Variants in PARPBP observed in about 807,000 individuals in gnomAD.
PARPBP encodes the protein PARP1 binding protein.
Under a neutral mutation model 50.0 loss-of-function variants are expected in PARPBP, and 52 were observed. That is an observed-to-expected ratio of 1.04 (90% CI 0.83 to 1.31). PARPBP has a LOEUF of 1.31. PARPBP is among the 50% of genes most tolerant of loss of function. PARPBP has a pLI of 0.00. For missense variants in PARPBP, 697 were observed against 672.0 expected, an observed-to-expected ratio of 1.04 and a Z score of -0.41; for synonymous variants, 244 against 232.1, an observed-to-expected ratio of 1.05 and a Z score of -0.47.
chr12:102,169,293 A>G (rs1472151786), intron 6 of PARPBP, among the ~76,000 whole-genome samples: 1 of 152,174 alleles, frequency 6.6e-6, no homozygotes, highest in East Asian at 1.9e-4. Context: ...TCTACTACAT[A>G]TATGCAAATT....
At chr12:102,122,761 A>G (rs541707241) in intron 1 of PARPBP, among the ~76,000 whole-genome samples, 1 of 152,344 alleles carries the variant, frequency 6.6e-6, no homozygotes, top group East Asian at 1.9e-4. Flanking sequence ...CTGTTTGTCC[A>G]CTTACAAGCT....
intron 8 of PARPBP, among the ~76,000 whole-genome samples, chr12:102,180,551 A>T (rs1292720228): frequency 3.3e-5 from 5 of 152,174 alleles, no homozygotes; most frequent in African/African-American, 1.2e-4. Context: ...AAAATAAAAA[A>T]GAATTACCCA....
intron 4 of PARPBP, chr12:102,154,792 A>G (rs1886651366): frequency 2.2e-6 from 1 of 448,256 alleles, no homozygotes; most frequent in African/African-American, 2.0e-5. Flanking sequence ...TGCGTTTGTA[A>G]AGGATATCAA....
intron 1 of PARPBP, among the ~76,000 whole-genome samples, chr12:102,121,081 TTCTCACAA>T (rs1880985354): frequency 6.6e-6 from 1 of 152,214 alleles, no homozygotes; most frequent in Admixed American, 6.5e-5. Context: ...TCTCATTGAC[TTCTCACAA>T]GGGACTGGAA....
intron 1 of PARPBP, among the ~76,000 whole-genome samples, chr12:102,121,474 G>A (rs1321275226): frequency 1.4e-5 from 2 of 145,928 alleles, no homozygotes; most frequent in Admixed American, 1.4e-4. Flanking sequence ...AATATTTACT[G>A]TTTGTTCCTT....
chr12:102,196,624 CT>C lies in PARPBP; in HGVS notation c.*334del. On this transcript the variant is annotated 3_prime_UTR_variant, in exon 11 of 11. Transcript: ENST00000327680. Reference sequence around the variant, plus strand: ...GGCAATTAAATGCTTTTATTTTCTTCTGAAAAGATGATGTGGACCAACAGGT... The same window carrying C: ...GGCAATTAAATGCTTTTATTTTCTTCGAAAAGATGATGTGGACCAACAGGT... The C allele has an allele frequency of 6.4e-7, 1 of 1,563,852 alleles. No individual in the cohort carries two copies. The highest frequency in any genetic ancestry group is 2.2e-5 in the East Asian group (1 of 44,564).
chr12:102,150,817 A>G (rs1448712280), intron 3 of PARPBP, among the ~76,000 whole-genome samples: 1 of 152,188 alleles, frequency 6.6e-6, no homozygotes, highest in Non-Finnish European at 1.5e-5. Context: ...TGACCTCTGT[A>G]GGTACGCTCA....
Position 102,123,455 on chromosome 12 carries a change from C to T in PARPBP, c.-3-431C>T, listed in dbSNP as rs193102925. On this transcript the variant is annotated intron_variant, in intron 1 of 10. Coordinates refer to ENST00000327680, the MANE Select transcript of PARPBP (RefSeq NM_017915.5). ...TCAAAAGGGTAGAAAAATAGGCCAC[C>T]TCTTTTGGGACAACGTAGGATGGGA... Among the ~76,000 whole-genome samples, 435 of 151,664 alleles carry T rather than the reference C, an allele frequency of 2.9e-3. 7 individuals carry two copies. Among genetic ancestry groups the T allele is most frequent in the Admixed American group, 0.027 (411 of 15,238 alleles).
At chr12:102,158,638 T>C (rs1887223581) in intron 4 of PARPBP, among the ~76,000 whole-genome samples, 2 of 152,252 alleles carry the variant, frequency 1.3e-5, no homozygotes, top group South Asian at 4.2e-4. Context: ...TCTTTTCCCT[T>C]GATGCTCCAA....
intron 2 of PARPBP, among the ~76,000 whole-genome samples, chr12:102,145,078 C>T (rs1163908368): frequency 6.6e-6 from 1 of 151,984 alleles, no homozygotes; most frequent in African/African-American, 2.4e-5. Flanking sequence ...AGTTTGGACA[C>T]TTAGTCTTAA....
Position 102,178,635 on chromosome 12 carries a change from G to C in PARPBP, c.1049G>C (p.Arg350Thr). 2 of 1,613,370 alleles carry C rather than the reference G, an allele frequency of 1.2e-6. No individual in the cohort carries two copies. Among genetic ancestry groups the C allele is most frequent in the Non-Finnish European group, 1.7e-6 (2 of 1,179,614 alleles). Reference sequence around the variant, plus strand: ...AACCATGGTACTGCATACTGTGGCAGAGATACTGTGAAAGCCTTATTAGTT... The same window carrying C: ...AACCATGGTACTGCATACTGTGGCACAGATACTGTGAAAGCCTTATTAGTT... ...AINHGTAYCG[R>T]DTVKALLVLL... Residue 350 changes from arginine to threonine, a missense_variant, in exon 8 of 11, where the codon AGA becomes ACA. Arg to Thr is a moderately conservative substitution (Grantham distance 71). Coordinates refer to ENST00000327680, the MANE Select transcript of PARPBP (RefSeq NM_017915.5).
chr12:102,130,827 C>T (rs1359558085), intron 2 of PARPBP, among the ~76,000 whole-genome samples: 7 of 151,344 alleles, frequency 4.6e-5, no homozygotes, highest in Admixed American at 4.6e-4. Context: ...TGCACCACAG[C>T]CCAGGCAACA....
chr12:102,178,595 A>G lies in PARPBP; in HGVS notation c.1009A>G (p.Lys337Glu). The change falls in exon 8 of 11, where the codon AAA becomes GAA. Residue 337 changes from lysine to glutamate, a missense_variant. Lys to Glu is a moderately conservative substitution (Grantham distance 56). Transcript: ENST00000327680. ...CTAAAATTATTTTTTGTCTCAGCCA[A>G]AATCTCATGCCATAAACCATGGTAC... ...STTDISPARP[K>E]SHAINHGTAY... 6.4e-7 allele frequency: 1 copy of G among 1,568,680 alleles called. No individual in the cohort carries two copies. The highest frequency in any genetic ancestry group is 1.2e-5 in the South Asian group (1 of 83,452).
chr12:102,157,636 A>G (rs995112353), intron 4 of PARPBP, among the ~76,000 whole-genome samples: 1 of 152,188 alleles, frequency 6.6e-6, no homozygotes, highest in African/African-American at 2.4e-5. Flanking sequence ...TGGGAAACAA[A>G]CTCAGGTTAT....
intron 3 of PARPBP, among the ~76,000 whole-genome samples, chr12:102,149,626 G>A (rs1594517497): frequency 1.3e-5 from 2 of 152,176 alleles, no homozygotes; most frequent in East Asian, 3.8e-4. Context: ...GGAGGATGGA[G>A]AATATAGATC....
At chr12:102,147,443 A>T (rs1026880654) in intron 2 of PARPBP, among the ~76,000 whole-genome samples, 4 of 151,996 alleles carry the variant, frequency 2.6e-5, no homozygotes, top group African/African-American at 9.7e-5. Flanking sequence ...GGAAATCATC[A>T]TTCTCAGTAA....
rs767125472 is a variant in PARPBP, at chr12:102,182,647, A to G, written c.1263+20A>G. ...ATTAAGGTACAATTTAATGCATGCCATGAAAATAGCAAACACTGTTTTATT... is the reference window on the plus strand; with the variant it reads ...ATTAAGGTACAATTTAATGCATGCCGTGAAAATAGCAAACACTGTTTTATT... On this transcript the variant is annotated intron_variant, in intron 9 of 10. Coordinates refer to ENST00000327680, the MANE Select transcript of PARPBP (RefSeq NM_017915.5). The G allele has an allele frequency of 2.7e-6, 4 of 1,477,880 alleles. No homozygotes were observed. In the Admixed American group the frequency reaches 6.8e-5, roughly 25 times the overall value. 91.5% of individuals were successfully genotyped at this position (1,477,880 alleles called of 1,614,324 possible). A position where few individuals can be genotyped will look rare whatever the true frequency, so the allele number is the denominator to read the frequency against.
At chr12:102,138,909 A>C (rs1594473696) in intron 2 of PARPBP, among the ~76,000 whole-genome samples, 1 of 152,324 alleles carries the variant, frequency 6.6e-6, no homozygotes, top group African/African-American at 2.4e-5. Context: ...TATAGTTTGA[A>C]GTCAGGAAGC....
At position 102,136,765 on chromosome 12, in the gene PARPBP, A is replaced by G. The variant is rs1207258254; in HGVS notation, c.154-11465A>G. Among the ~76,000 whole-genome samples, 57 of 152,150 alleles carry G rather than the reference A, an allele frequency of 3.7e-4. 1 individual carries two copies. The highest frequency in any genetic ancestry group is 3.7e-3 in the Admixed American group (56 of 15,270). ...CATAAGAGTTAGCTTAGGCATCCTC[A>G]ACTGTGCTCTGACTTCCAAGCAGTA... On this transcript the variant is annotated intron_variant, in intron 2 of 10. Coordinates refer to ENST00000327680, the MANE Select transcript of PARPBP (RefSeq NM_017915.5).
Sources: gnomAD v4.1 joint callset for allele counts (sites outside exome capture counted in the v4.1 genomes callset) on GRCh38, gnomAD v4.1.1 for gene constraint, MANE v1.5 for transcripts, NCBI Gene and HGNC (gene_info 2026-07-23, HGNC 2026-07-21) for gene names.